The following PEX14 variants were observed in gnomAD, a reference collection of about 807,000 sequenced individuals.
The protein encoded by PEX14 is peroxisomal membrane protein PEX14.
A neutral mutation model predicts 49.5 loss-of-function variants in PEX14; 15 were observed. The ratio of observed to expected loss-of-function variants is 0.30; its 90% CI spans 0.20 to 0.47. The LOEUF (loss-of-function observed/expected upper bound fraction) is 0.47, where lower values mean the gene tolerates loss of function less well. Among genes scored for constraint, PEX14 ranks in the 20% least tolerant of loss-of-function variants. The pLI is 1.00. For synonymous variants in PEX14, 210 were observed against 212.7 expected, an observed-to-expected ratio of 0.99 and a Z score of 0.11; for missense variants, 398 against 494.8, an observed-to-expected ratio of 0.80 and a Z score of 1.86.
Position 10,629,479 on chromosome 1 carries a change from G to C in PEX14, c.678-52G>C. 2 of 1,322,592 alleles carry C rather than the reference G, an allele frequency of 1.5e-6. No homozygotes were observed. Among genetic ancestry groups the C allele is most frequent in the Non-Finnish European group, 2.2e-6 (2 of 921,422 alleles). 81.9% of individuals were successfully genotyped at this position (1,322,592 alleles called of 1,614,324 possible). A position where few individuals can be genotyped will look rare whatever the true frequency, so the allele number is the denominator to read the frequency against. ...GTCAGGGAAGGCGTGGCCCTTCGAA[G>C]GGGGGCGTCCTGAATGCCGCCACCA... On this transcript the variant is annotated intron_variant, in intron 8 of 8. Coordinates refer to ENST00000356607, the MANE Select transcript of PEX14 (RefSeq NM_004565.3). The surrounding 1 kb of genome is among the most constrained non-coding windows in gnomAD (Gnocchi z 8.5).
At chr1:10,604,998 T>C (rs1412174235) in intron 4 of PEX14, among the ~76,000 whole-genome samples, 1 of 152,002 alleles carries the variant, frequency 6.6e-6, no homozygotes, top group East Asian at 1.9e-4. Context: ...TTCCAGTGCC[T>C]CCATTCTGAC....
At chr1:10,548,651 G>A (rs946269950) in intron 3 of PEX14, among the ~76,000 whole-genome samples, 1 of 152,160 alleles carries the variant, frequency 6.6e-6, no homozygotes, top group African/African-American at 2.4e-5. Flanking sequence ...GTGATGGTGT[G>A]CTTCTATTTT....
intron 2 of PEX14, among the ~76,000 whole-genome samples, chr1:10,509,099 G>T (rs1016724892): frequency 3.3e-5 from 5 of 152,280 alleles, no homozygotes; most frequent in African/African-American, 1.2e-4. Flanking sequence ...GCCACGTCCG[G>T]CTAATTTTTT....
chr1:10,564,856 G>A, intron 3 of PEX14, among the ~76,000 whole-genome samples: 1 of 150,338 alleles, frequency 6.7e-6, no homozygotes, highest in African/African-American at 2.4e-5. Context: ...CTATGAGTTT[G>A]GGTTTTTTAA....
At chr1:10,528,143 G>T (rs890590923) in intron 2 of PEX14, 1 of 160,572 alleles carries the variant, frequency 6.2e-6, no homozygotes, top group Non-Finnish European at 1.3e-5. Context: ...CCTTGCACCA[G>T]CTGGTGGTCA....
chr1:10,552,218 C>A (rs1639354908), intron 3 of PEX14, among the ~76,000 whole-genome samples: 1 of 152,142 alleles, frequency 6.6e-6, no homozygotes, highest in Non-Finnish European at 1.5e-5. Context: ...CCGAGACGGG[C>A]AAATCACGAG....
At chr1:10,585,747 C>G (rs1439466667) in intron 3 of PEX14, among the ~76,000 whole-genome samples, 2 of 152,132 alleles carry the variant, frequency 1.3e-5, no homozygotes, top group Non-Finnish European at 2.9e-5. Flanking sequence ...TGGCGAAACC[C>G]TGTCTCTATG....
intron 5 of PEX14, among the ~76,000 whole-genome samples, chr1:10,621,142 A>G (rs1383480257): frequency 6.6e-6 from 1 of 151,974 alleles, no homozygotes; most frequent in African/African-American, 2.4e-5. Flanking sequence ...TATCAGTCAC[A>G]ATGGTAACAA....
Position 10,630,442 on chromosome 1 carries a change from T to G in PEX14, c.*455T>G. 5.9e-6 allele frequency: 1 copy of G among 169,448 alleles called. No individual in the cohort carries two copies. The highest frequency in any genetic ancestry group is 2.5e-5 in the African/African-American group (1 of 40,546). The allele number at this position is 169,448 out of a possible 1,614,324, so 10.5% of individuals were successfully genotyped here. ...CTCTGGTGTCTGCCATCCCCCTCCC[T>G]CCCTGGGCCCGGCCCTGGACCCGTC... On this transcript the variant is annotated 3_prime_UTR_variant, in exon 9 of 9. Transcript: ENST00000356607. The surrounding 1 kb of genome is among the most constrained non-coding windows in gnomAD (Gnocchi z 4.1).
At chr1:10,619,403 G>A (rs369428505) in intron 5 of PEX14, among the ~76,000 whole-genome samples, 2 of 149,052 alleles carry the variant, frequency 1.3e-5, no homozygotes, top group Non-Finnish European at 3.0e-5. Context: ...TGCAAGCTCC[G>A]CCTCCTGAGT....
intron 6 of PEX14, 27 bp from the exon 7 acceptor site, chr1:10,624,313 A>G (rs982942315): frequency 1.4e-6 from 2 of 1,477,194 alleles, no homozygotes; most frequent in East Asian, 2.3e-5. Context: ...TGAATTTGCC[A>G]GCGCCGTGAC....
At chr1:10,571,015 G>GTT (rs34811019) in intron 3 of PEX14, among the ~76,000 whole-genome samples, 117 of 74,554 alleles carry the variant, frequency 1.6e-3, no homozygotes, top group Admixed American at 7.9e-3. Flanking sequence ...CGCCTGGCTA[G>GTT]TTTTTTTTTT....
intron 3 of PEX14, among the ~76,000 whole-genome samples, chr1:10,559,370 T>C (rs1245861755): frequency 6.6e-6 from 1 of 152,234 alleles, no homozygotes; most frequent in Non-Finnish European, 1.5e-5. Flanking sequence ...TGGTCCAGTA[T>C]TTATTCTTTG....
chr1:10,587,549 T>TG (rs1373175893), intron 3 of PEX14, among the ~76,000 whole-genome samples: 1 of 152,050 alleles, frequency 6.6e-6, no homozygotes, highest in Non-Finnish European at 1.5e-5. Flanking sequence ...GGAATGTGAG[T>TG]GGAAACAACC....
chr1:10,525,460 G>A (rs967977771), intron 2 of PEX14, among the ~76,000 whole-genome samples: 3 of 152,188 alleles, frequency 2.0e-5, no homozygotes, highest in Admixed American at 2.0e-4. Context: ...CGCTTTTTTA[G>A]AAAATGGAAC....
At chr1:10,571,163 A>G (rs1166060216) in intron 3 of PEX14, among the ~76,000 whole-genome samples, 1 of 151,696 alleles carries the variant, frequency 6.6e-6, no homozygotes, top group African/African-American at 2.4e-5. Context: ...GGCCTTCAAC[A>G]GTTGTTTTGA....
At position 10,529,966 on chromosome 1, in the gene PEX14, A is replaced by T. The variant is rs1638597441; in HGVS notation, c.85-6247A>T. ...GTCGAAAGAGAGGCTCTTTCCTTTA[A>T]CTCCTTGAGTGCCAGGGCACTTGCT... On this transcript the variant is annotated intron_variant, in intron 2 of 8. Transcript: ENST00000356607. This position sits in a 1 kb window ranked among gnomAD's most constrained non-coding sequence, Gnocchi z 4.2. Among the ~76,000 whole-genome samples the T allele has an allele frequency of 6.6e-6, 1 of 152,082 alleles. No homozygotes were observed. The highest frequency in any genetic ancestry group is 6.5e-5 in the Admixed American group (1 of 15,270).
rs368604914 is a variant in PEX14 at position 10,534,834 on chromosome 1, G to A, written c.85-1379G>A. 3.9e-5 allele frequency among the ~76,000 whole-genome samples: 6 copies of A among 152,198 alleles called. No individual in the cohort carries two copies. In the East Asian group the frequency reaches 1.2e-3, roughly 29 times the overall value. On this transcript the variant is annotated intron_variant, in intron 2 of 8. Transcript: ENST00000356607. Reference sequence around the variant, plus strand: ...TGTCTAGGTAAGCCTCCCACGGAGGGGTTGCAGGGAAAATGAATACAGGCT... The same window carrying A: ...TGTCTAGGTAAGCCTCCCACGGAGGAGTTGCAGGGAAAATGAATACAGGCT...
At chr1:10,530,184 G>A (rs1183325123) in intron 2 of PEX14, among the ~76,000 whole-genome samples, 4 of 152,084 alleles carry the variant, frequency 2.6e-5, no homozygotes, top group African/African-American at 4.8e-5. Flanking sequence ...CTCAGAGAAG[G>A]GGAAAGAGTA....
Sources: allele counts gnomAD v4.1 joint callset (sites outside exome capture counted in the v4.1 genomes callset), GRCh38; gene constraint gnomAD v4.1.1; non-coding constraint Gnocchi (gnomAD v3.1); transcripts MANE v1.5; gene names NCBI Gene and HGNC (gene_info 2026-07-23, HGNC 2026-07-21).